The following NCKAP5 variants were observed in gnomAD, a reference collection of about 807,000 sequenced individuals.
NCKAP5 encodes NCK associated protein 5, also known as nck-associated protein 5.
Under a neutral mutation model 167.0 loss-of-function variants are expected in NCKAP5, and 92 were observed. The observed-to-expected ratio is 0.55, with a 90% CI of 0.47 to 0.66. The LOEUF (loss-of-function observed/expected upper bound fraction) is 0.66, where lower values mean the gene tolerates loss of function less well. NCKAP5 is among the 30% of genes least tolerant of loss of function. The pLI, the probability that NCKAP5 is intolerant of heterozygous loss-of-function variation, is 0.00. For missense variants in NCKAP5, 2,378 were observed against 2,315.0 expected, an observed-to-expected ratio of 1.03 and a Z score of -0.56; for synonymous variants, 891 against 877.4, an observed-to-expected ratio of 1.02 and a Z score of -0.27.
intron 5 of NCKAP5, among the ~76,000 whole-genome samples, chr2:133,132,878 A>G (rs2082661086): frequency 6.6e-6 from 1 of 151,900 alleles, no homozygotes. Context: ...GGGTTTCTCG[A>G]TGTTAGCCAG....
chr2:133,183,357 T>C (rs546365525), intron 5 of NCKAP5, among the ~76,000 whole-genome samples: 1 of 152,202 alleles, frequency 6.6e-6, no homozygotes, highest in South Asian at 2.1e-4. Flanking sequence ...CAAAACTCAT[T>C]ACCAGCACAC....
chr2:133,391,188 G>A (rs1453849980), intron 3 of NCKAP5: 1 of 152,238 alleles, frequency 6.6e-6, no homozygotes, highest in African/African-American at 2.4e-5. Context: ...GGTTCTAGCA[G>A]GGAAGCATGG....
At chr2:133,073,162 GAAAT>G (rs1157190410) in intron 6 of NCKAP5, among the ~76,000 whole-genome samples, 4 of 152,106 alleles carry the variant, frequency 2.6e-5, no homozygotes, top group Admixed American at 6.5e-5. Flanking sequence ...GAAAATCAAG[GAAAT>G]CCAATACTTT....
intron 8 of NCKAP5, among the ~76,000 whole-genome samples, chr2:132,883,237 CG>C (rs376436231): frequency 4.7e-5 from 7 of 148,600 alleles, no homozygotes; most frequent in Admixed American, 2.0e-4. Flanking sequence ...CACACACACA[CG>C]ACACCCACCA....
At chr2:133,136,466 G>A (rs541007203) in intron 5 of NCKAP5, among the ~76,000 whole-genome samples, 14 of 152,310 alleles carry the variant, frequency 9.2e-5, no homozygotes, top group South Asian at 6.2e-4. Flanking sequence ...CAAGCCCTCC[G>A]TGAGTCCTGC....
At chr2:133,215,218 T>C (rs1187830924) in intron 4 of NCKAP5, among the ~76,000 whole-genome samples, 1 of 152,180 alleles carries the variant, frequency 6.6e-6, no homozygotes, top group African/African-American at 2.4e-5. Context: ...AGCTCCTGTG[T>C]GTTCTCTGAC....
chr2:133,291,639 C>T (rs998741146), intron 4 of NCKAP5, among the ~76,000 whole-genome samples: 6 of 152,144 alleles, frequency 3.9e-5, no homozygotes, highest in Non-Finnish European at 7.3e-5. Flanking sequence ...ACTGAGTGTT[C>T]GAGAGAAGGC....
chr2:132,676,232 AT>A (rs1169258210), intron 19 of NCKAP5, among the ~76,000 whole-genome samples: 4 of 149,750 alleles, frequency 2.7e-5, no homozygotes, highest in African/African-American at 9.9e-5. Context: ...TGTATACCGA[AT>A]TGCAATCTTT....
At chr2:133,071,022 T>C (rs543237671) in intron 6 of NCKAP5, among the ~76,000 whole-genome samples, 5 of 152,206 alleles carry the variant, frequency 3.3e-5, no homozygotes, top group Non-Finnish European at 7.3e-5. Flanking sequence ...GTCAATCATA[T>C]ATCCATCAAT....
intron 4 of NCKAP5, among the ~76,000 whole-genome samples, chr2:133,219,880 T>C (rs2086587575): frequency 6.6e-6 from 1 of 152,194 alleles, no homozygotes; most frequent in South Asian, 2.1e-4. Flanking sequence ...ATCAACTCAA[T>C]CAAAATATTA....
At chr2:133,584,408 A>G in the NCKAP5 span, among the ~76,000 whole-genome samples, 6 of 152,192 alleles carry the variant, frequency 3.9e-5, no homozygotes, top group African/African-American at 1.4e-4. Context: ...GTTTCAAATC[A>G]GGGCACATTT....
At chr2:132,725,487 AC>A in intron 19 of NCKAP5, 139 bp downstream of exon 19, 1 of 1,015,852 alleles carries the variant, frequency 9.8e-7, no homozygotes, top group Non-Finnish European at 1.4e-6. Flanking sequence ...TTCTGTATGT[AC>A]CAGAAAATTA....
intron 8 of NCKAP5, among the ~76,000 whole-genome samples, chr2:132,962,734 G>A (rs757331223): frequency 2.6e-5 from 4 of 152,114 alleles, no homozygotes; most frequent in Non-Finnish European, 5.9e-5. Context: ...GGGACTACAG[G>A]CACGTGCCAC....
chr2:132,973,180 T>C, intron 7 of NCKAP5, among the ~76,000 whole-genome samples: 1 of 152,170 alleles, frequency 6.6e-6, no homozygotes, highest in Non-Finnish European at 1.5e-5. Context: ...TGTCTGAGTC[T>C]AGGACTGTGA....
chr2:133,663,214 C>A, the NCKAP5 span, among the ~76,000 whole-genome samples: 2 of 149,478 alleles, frequency 1.3e-5, no homozygotes, highest in Non-Finnish European at 2.9e-5. Context: ...TGCAGTGAGC[C>A]GAGATTGCGC....
intron 3 of NCKAP5, among the ~76,000 whole-genome samples, chr2:133,303,650 T>A (rs1036642355): frequency 1.3e-5 from 2 of 148,810 alleles, no homozygotes; most frequent in South Asian, 2.1e-4. Flanking sequence ...GCTTTTTTTT[T>A]ATTCTTAAAC....
chr2:133,204,571 T>C (rs1045532819), intron 5 of NCKAP5, among the ~76,000 whole-genome samples: 4 of 152,210 alleles, frequency 2.6e-5, no homozygotes, highest in Admixed American at 6.5e-5. Flanking sequence ...ACTTTCTCAT[T>C]TTTAGAAACA....
intron 5 of NCKAP5, among the ~76,000 whole-genome samples, chr2:133,179,416 C>T (rs2084634802): frequency 6.6e-6 from 1 of 151,108 alleles, no homozygotes; most frequent in Non-Finnish European, 1.5e-5. Context: ...ACCTATACTC[C>T]AAAAGTCCAG....
chr2:132,862,885 G>T (rs528684960), intron 10 of NCKAP5, among the ~76,000 whole-genome samples: 1 of 152,024 alleles, frequency 6.6e-6, no homozygotes, highest in African/African-American at 2.4e-5. Context: ...GCAGTGGCGC[G>T]ATCTTGGTGC....
Sources: gnomAD v4.1 joint callset for allele counts (sites outside exome capture counted in the v4.1 genomes callset) on GRCh38, gnomAD v4.1.1 for gene constraint, MANE v1.5 for transcripts, NCBI Gene and HGNC (gene_info 2026-07-23, HGNC 2026-07-21) for gene names.